The following SLC35F4 variants were observed in gnomAD, a reference collection of about 807,000 sequenced individuals.
SLC35F4 encodes chromosome 14 open reading frame 36.
A neutral mutation model predicts 44.2 loss-of-function variants in SLC35F4; 24 were observed. The observed-to-expected ratio is 0.54, with a 90% CI of 0.39 to 0.76. The LOEUF (loss-of-function observed/expected upper bound fraction) is 0.76. SLC35F4 is among the 30% of genes least tolerant of loss of function. SLC35F4 has a pLI of 0.00. For synonymous variants in SLC35F4, 238 were observed against 223.6 expected (o/e 1.06, Z -0.57); for missense variants, 562 against 586.1 (o/e 0.96, Z 0.42).
intron 4 of SLC35F4, chr14:57,578,687 C>T (rs1201302444): frequency 6.6e-6 from 1 of 150,864 alleles, no homozygotes; most frequent in Non-Finnish European, 1.5e-5. Flanking sequence ...CTTCCTCTTA[C>T]TTAAAAAGAA....
intron 1 of SLC35F4, among the ~76,000 whole-genome samples, chr14:57,779,735 T>A (rs1175067797): frequency 1.3e-5 from 2 of 152,154 alleles, no homozygotes; most frequent in African/African-American, 4.8e-5. Context: ...TAATCCACCA[T>A]GATCAAGTAG....
intron 1 of SLC35F4, among the ~76,000 whole-genome samples, chr14:57,903,357 GAATA>G (rs1467561210): frequency 6.6e-6 from 1 of 152,166 alleles, no homozygotes; most frequent in East Asian, 1.9e-4. Flanking sequence ...CTCACCTGGG[GAATA>G]TGTGGGAAGA....
chr14:57,891,797 A>G (rs1888773314), intron 1 of SLC35F4, among the ~76,000 whole-genome samples: 1 of 152,074 alleles, frequency 6.6e-6, no homozygotes, highest in Non-Finnish European at 1.5e-5. Flanking sequence ...AATCTCTTGA[A>G]CCCAGCAGGT....
At position 57,655,249 on chromosome 14, in the gene SLC35F4, T is replaced by C. The variant is rs573185467; in HGVS notation, c.104-61125A>G. On this transcript the variant is annotated intron_variant, in intron 1 of 7. Transcript: ENST00000556826. Reference sequence around the variant, plus strand: ...AAAATAAATAAATTATAAATAATCTTTTTCTAGAAGTTCATGACATTCACC... The same window carrying C: ...AAAATAAATAAATTATAAATAATCTCTTTCTAGAAGTTCATGACATTCACC... Among the ~76,000 whole-genome samples, 9 of 152,196 alleles carry C rather than the reference T, an allele frequency of 5.9e-5. No homozygotes were observed. In the South Asian group the frequency reaches 1.7e-3, roughly 28 times the overall value.
At chr14:57,930,107 C>A (rs1889667272) in intron 1 of SLC35F4, among the ~76,000 whole-genome samples, 1 of 152,196 alleles carries the variant, frequency 6.6e-6, no homozygotes, top group Non-Finnish European at 1.5e-5. Context: ...CGCTTCTCAA[C>A]TCTAATTATA....
intron 1 of SLC35F4, among the ~76,000 whole-genome samples, chr14:57,809,510 T>A (rs760748993): frequency 6.6e-6 from 1 of 152,202 alleles, no homozygotes; most frequent in Non-Finnish European, 1.5e-5. Flanking sequence ...GATTCCCTGA[T>A]TGACTGTGGT....
chr14:57,891,157 TGTAA>T (rs1382964710), intron 1 of SLC35F4, among the ~76,000 whole-genome samples: 1 of 152,234 alleles, frequency 6.6e-6, no homozygotes, highest in Non-Finnish European at 1.5e-5. Context: ...TGTTGGCTCC[TGTAA>T]GTATCAAAAA....
intron 1 of SLC35F4, among the ~76,000 whole-genome samples, chr14:57,771,441 T>C (rs752601802): frequency 6.6e-5 from 10 of 152,122 alleles, no homozygotes; most frequent in Non-Finnish European, 1.2e-4. Context: ...TACAGTACCA[T>C]GAATAAAGAA....
At chr14:57,808,906 T>G (rs1459050441) in intron 1 of SLC35F4, among the ~76,000 whole-genome samples, 1 of 146,284 alleles carries the variant, frequency 6.8e-6, no homozygotes, top group Non-Finnish European at 1.5e-5. Context: ...GGAAGTGCCC[T>G]GAAAAAGGAT....
At chr14:57,664,876 G>A (rs2074256635) in intron 1 of SLC35F4, among the ~76,000 whole-genome samples, 1 of 152,156 alleles carries the variant, frequency 6.6e-6, no homozygotes, top group African/African-American at 2.4e-5. Context: ...CTAAGCCACA[G>A]TGAAAGATAA....
In SLC35F4 at chr14:57,707,728, C is replaced by G. The variant is rs1207461949; in HGVS notation, c.104-113604G>C. On this transcript the variant is annotated intron_variant, in intron 1 of 7. Transcript: ENST00000556826. ...AGAGGTTGCAACAGTTTGGAGGACT[C>G]AGGAAAAGACAGGAAAATGTGGGAA... Among the ~76,000 whole-genome samples, 4 of 152,222 alleles carry G rather than the reference C, an allele frequency of 2.6e-5. No individual in the cohort carries two copies. The East Asian group carries it at 7.7e-4, about 29-fold the overall frequency.
intron 1 of SLC35F4, among the ~76,000 whole-genome samples, chr14:57,707,748 T>A (rs189663725): frequency 6.6e-6 from 1 of 152,156 alleles, no homozygotes; most frequent in Non-Finnish European, 1.5e-5. Context: ...CAGGAAAATG[T>A]GGGAAAGCTT....
chr14:57,754,499 A>C (rs1243636891), intron 1 of SLC35F4, among the ~76,000 whole-genome samples: 1 of 152,210 alleles, frequency 6.6e-6, no homozygotes, highest in East Asian at 1.9e-4. Context: ...GAGAGCTCAT[A>C]CTTAGGAAAA....
chr14:57,964,991 A>AAAATAT (rs1555331532), intron 1 of SLC35F4, among the ~76,000 whole-genome samples: 10 of 115,676 alleles, frequency 8.6e-5, no homozygotes, highest in African/African-American at 3.3e-4. Flanking sequence ...AAAAAAAAAA[A>AAAATAT]ATATATATAT....
At chr14:57,652,062 G>T (rs553679789) in intron 1 of SLC35F4, among the ~76,000 whole-genome samples, 1 of 152,334 alleles carries the variant, frequency 6.6e-6, no homozygotes, top group African/African-American at 2.4e-5. Flanking sequence ...CAAGAGGAAA[G>T]ACAGACATCC....
chr14:57,727,480 T>C (rs2076233464), intron 1 of SLC35F4, among the ~76,000 whole-genome samples: 1 of 151,942 alleles, frequency 6.6e-6, no homozygotes, highest in East Asian at 1.9e-4. Context: ...GATGCATCAT[T>C]AGGTTATTTT....
chr14:57,581,740 T>C (rs1462171076), intron 3 of SLC35F4, among the ~76,000 whole-genome samples: 1 of 152,174 alleles, frequency 6.6e-6, no homozygotes. Context: ...AATACCGAAA[T>C]TGGTAGTTGC....
At chr14:57,856,787 A>G (rs541803311) in intron 1 of SLC35F4, among the ~76,000 whole-genome samples, 2 of 152,214 alleles carry the variant, frequency 1.3e-5, no homozygotes, top group East Asian at 3.9e-4. Flanking sequence ...GAACAAGGAT[A>G]GATATTTATT....
chr14:57,846,649 C>T (rs1886048528), intron 1 of SLC35F4, among the ~76,000 whole-genome samples: 1 of 152,170 alleles, frequency 6.6e-6, no homozygotes, highest in Admixed American at 6.5e-5. Context: ...AGATCACATG[C>T]CAAGACTTTA....
Sources: gnomAD v4.1 joint callset for allele counts (sites outside exome capture counted in the v4.1 genomes callset) on GRCh38, gnomAD v4.1.1 for gene constraint, MANE v1.5 for transcripts, NCBI Gene and HGNC (gene_info 2026-07-23, HGNC 2026-07-21) for gene names.